The following PRKCD variants were observed in gnomAD, a reference collection of about 807,000 sequenced individuals.
PRKCD encodes protein kinase C delta, also known as protein kinase C delta type.
In PRKCD, 20 loss-of-function variants were observed where a neutral mutation model predicts 82.2. The ratio of observed to expected loss-of-function variants is 0.24; its 90% CI spans 0.17 to 0.35. PRKCD has a LOEUF of 0.35. Ranked by LOEUF, PRKCD falls within the 10% of genes least tolerant of loss-of-function variation. The pLI, the probability that PRKCD is intolerant of heterozygous loss-of-function variation, is 1.00. For synonymous variants in PRKCD, 317 were observed against 337.0 expected, an observed-to-expected ratio of 0.94 and a Z score of 0.65; for missense variants, 607 against 899.0, an observed-to-expected ratio of 0.68 and a Z score of 4.15.
intron 2 of PRKCD, among the ~76,000 whole-genome samples, chr3:53,170,937 C>CTG (rs3075732): frequency 0.053 from 7,868 of 149,422 alleles, 206 homozygotes; most frequent in Non-Finnish European, 0.07. Context: ...ATGTGTGTTT[C>CTG]TGTGTGTGTG....
chr3:53,192,175 GCGA>G lies in PRKCD; in HGVS notation c.1942_1944del (p.Asp648del). ...AACGAGAAGGCGCGCCTCTCCTACA[GCGA>G]CAAGAACCTCATCGACTCCATGGAC... On this transcript the variant is annotated inframe_deletion, in exon 19 of 19. Coordinates refer to ENST00000330452, the MANE Select transcript of PRKCD (RefSeq NM_006254.4). The G allele has an allele frequency of 6.2e-7, 1 of 1,614,116 alleles. No homozygotes were observed. The highest frequency in any genetic ancestry group is 1.1e-5 in the South Asian group (1 of 91,088).
At chr3:53,161,970 G>T (rs1251165307) in intron 1 of PRKCD, among the ~76,000 whole-genome samples, 1 of 150,144 alleles carries the variant, frequency 6.7e-6, no homozygotes, top group Non-Finnish European at 1.5e-5. Flanking sequence ...CCGCTCTACC[G>T]CGGGGCCCAG....
At chr3:53,166,430 G>T (rs1183194821) in intron 2 of PRKCD, among the ~76,000 whole-genome samples, 5 of 152,202 alleles carry the variant, frequency 3.3e-5, no homozygotes, top group Non-Finnish European at 7.3e-5. Context: ...CCCTCCAGCT[G>T]CACAGACATA....
intron 2 of PRKCD, among the ~76,000 whole-genome samples, chr3:53,170,743 G>C (rs1355713526): frequency 4.6e-5 from 7 of 152,254 alleles, no homozygotes; most frequent in Non-Finnish European, 1.0e-4. Context: ...CATGGTGCCA[G>C]ACTCTAGTCA....
intron 18 of PRKCD, among the ~76,000 whole-genome samples, chr3:53,191,433 A>G (rs1703922052): frequency 1.3e-5 from 2 of 151,302 alleles, no homozygotes; most frequent in Non-Finnish European, 2.9e-5. Context: ...ATAAAAATAA[A>G]TAAATAAAAT....
chr3:53,172,687 G>A (rs933478469), intron 2 of PRKCD, among the ~76,000 whole-genome samples: 10 of 152,176 alleles, frequency 6.6e-5, no homozygotes, highest in Non-Finnish European at 7.3e-5. Context: ...GAACCAGACC[G>A]CCCTATACCC....
Position 53,186,216 on chromosome 3 carries a change from C to A in PRKCD, c.1136C>A (p.Ala379Asp). The A allele has an allele frequency of 1.2e-6, 2 of 1,614,154 alleles. No homozygotes were observed. Among genetic ancestry groups the A allele is most frequent in the Non-Finnish European group, 1.7e-6 (2 of 1,179,998 alleles). ...AGAGGAGAGTACTTTGCCATCAAGG[C>A]CCTCAAGAAGGATGTGGTCCTGATC... ...KGRGEYFAIK[A>D]LKKDVVLIDD... The change falls in exon 13 of 19, where the codon GCC becomes GAC. Residue 379 changes from alanine (A) to aspartate (D), a missense_variant. Coordinates refer to ENST00000330452, the MANE Select transcript of PRKCD (RefSeq NM_006254.4).
At chr3:53,179,528 A>AG (rs1703345266) in intron 3 of PRKCD, 49 bp from the exon 4 acceptor site, 1 of 1,609,562 alleles carries the variant, frequency 6.2e-7, no homozygotes, top group Non-Finnish European at 8.5e-7. Flanking sequence ...TCTACGAGGG[A>AG]GGGACAGAGG....
chr3:53,188,775 G>A lies in PRKCD; in HGVS notation c.1471G>A (p.Asp491Asn), dbSNP rs2107285069. ...CCGGGATGGCCACATCAAGATTGCC[G>A]ACTTTGGGATGTGCAAAGAGAACAT... ...LDRDGHIKIA[D>N]FGMCKENIFG... Residue 491 changes from aspartate (D) to asparagine (N), a missense_variant, in exon 16 of 19, where the codon GAC becomes AAC. Transcript: ENST00000330452. 2 of 1,614,218 alleles carry A rather than the reference G, an allele frequency of 1.2e-6. No individual in the cohort carries two copies. The highest frequency in any genetic ancestry group is 1.7e-6 in the Non-Finnish European group (2 of 1,180,040).
intron 9 of PRKCD, among the ~76,000 whole-genome samples, chr3:53,184,378 A>G (rs1279549171): frequency 1.4e-5 from 2 of 145,994 alleles, no homozygotes; most frequent in African/African-American, 5.1e-5. Flanking sequence ...AAAAATCATG[A>G]AAGATTGAAA....
At chr3:53,170,433 C>T (rs895783784) in intron 2 of PRKCD, among the ~76,000 whole-genome samples, 1 of 152,328 alleles carries the variant, frequency 6.6e-6, no homozygotes. Flanking sequence ...TAGGTTCAAG[C>T]CCTCCCCTCC....
intron 8 of PRKCD, 62 bp from the exon 9 acceptor site, chr3:53,183,390 G>C: frequency 6.2e-7 from 1 of 1,605,232 alleles, no homozygotes; most frequent in Non-Finnish European, 8.5e-7. Context: ...GGGAGAGCTA[G>C]GGGTTGAAGA....
chr3:53,173,770 A>G (rs1703123084), intron 2 of PRKCD, among the ~76,000 whole-genome samples: 1 of 152,148 alleles, frequency 6.6e-6, no homozygotes, highest in African/African-American at 2.4e-5. Context: ...ATGAGCCACC[A>G]TGCCTGGCCC....
chr3:53,179,861 C>T lies in PRKCD; in HGVS notation c.315+85C>T, dbSNP rs532560961. Reference sequence around the variant, plus strand: ...GCGTGCATGTGTGTGCGTGCACACACGCGGGCTTGGTCAGTGAGCACAGCT... The same window carrying T: ...GCGTGCATGTGTGTGCGTGCACACATGCGGGCTTGGTCAGTGAGCACAGCT... On this transcript the variant is annotated intron_variant, in intron 4 of 18. Coordinates refer to ENST00000330452, the MANE Select transcript of PRKCD (RefSeq NM_006254.4). The T allele has an allele frequency of 7.9e-5, 118 of 1,502,904 alleles. No individual in the cohort carries two copies. The South Asian group carries it at 9.0e-4, about 11-fold the overall frequency. The allele number at this position is 1,502,904 out of a possible 1,614,324, so 93.1% of individuals were successfully genotyped here.
chr3:53,179,665 C>A lies in PRKCD; in HGVS notation c.204C>A (p.Val68=), dbSNP rs1354702919. 3 of 1,613,618 alleles carry A rather than the reference C, an allele frequency of 1.9e-6. No individual in the cohort carries two copies. Among genetic ancestry groups the A allele is most frequent in the Non-Finnish European group, 2.5e-6 (3 of 1,179,796 alleles). Residue 68 remains valine, a synonymous_variant, in exon 4 of 19, where the codon GTC becomes GTA. Coordinates refer to ENST00000330452, the MANE Select transcript of PRKCD (RefSeq NM_006254.4). ...ATGCCCACATCTATGAGGGGCGCGT[C>A]ATCCAGATTGTGCTAATGCGGGCAG... is the stretch of plus-strand genomic sequence containing the variant. ...TFDAHIYEGR[V]IQIVLMRAAE...
chr3:53,186,492 C>T, intron 13 of PRKCD, 112 bp from the exon 14 acceptor site: 1 of 1,385,814 alleles, frequency 7.2e-7, no homozygotes, highest in South Asian at 1.3e-5. Context: ...AGTCGTCCAC[C>T]TCAGCCAGGG....
intron 2 of PRKCD, among the ~76,000 whole-genome samples, chr3:53,171,089 C>T (rs1380265982): frequency 4.6e-5 from 7 of 152,156 alleles, no homozygotes; most frequent in Admixed American, 3.3e-4. Context: ...TGTGTGCACA[C>T]GTGTGGTTAT....
At position 53,161,428 on chromosome 3, in the gene PRKCD, GGTAA is replaced by G. The variant is rs570547365; in HGVS notation, c.-132+3_-132+6del. The G allele has an allele frequency of 6.6e-6, 1 of 151,918 alleles. No individual in the cohort carries two copies. Among genetic ancestry groups the G allele is most frequent in the East Asian group, 2.0e-4 (1 of 5,112 alleles). 9.4% of individuals were successfully genotyped at this position (151,918 alleles called of 1,614,324 possible). A position where few individuals can be genotyped will look rare whatever the true frequency, so the allele number is the denominator to read the frequency against. ...CTTGGCGCCTGCCCCTGCAACGGGA[GGTAA>G]GTGAGGGCCGGGTCCGGGCGCGGGA... On this transcript the variant is annotated splice_donor_variant and splice_donor_region_variant and intron_variant, in intron 1 of 18. Coordinates refer to ENST00000330452, the MANE Select transcript of PRKCD (RefSeq NM_006254.4). LOFTEE classifies it low-confidence loss of function (5UTR_SPLICE).
At chr3:53,190,931 G>A (rs1703903591) in intron 18 of PRKCD, among the ~76,000 whole-genome samples, 1 of 152,204 alleles carries the variant, frequency 6.6e-6, no homozygotes, top group South Asian at 2.1e-4. Flanking sequence ...ACTTTTGATA[G>A]ATTTCCTTCT....
Sources: allele counts gnomAD v4.1 joint callset (sites outside exome capture counted in the v4.1 genomes callset), GRCh38; gene constraint gnomAD v4.1.1; transcripts MANE v1.5; gene names NCBI Gene and HGNC (gene_info 2026-07-23, HGNC 2026-07-21).